ITGA1: variants seen among roughly 807,000 people sequenced by gnomAD.
The protein encoded by ITGA1 is integrin alpha-1.
A neutral mutation model predicts 145.9 loss-of-function variants in ITGA1; 85 were observed. The observed-to-expected ratio is 0.58, with a 90% CI of 0.49 to 0.70. The LOEUF (loss-of-function observed/expected upper bound fraction) is 0.70. ITGA1 is among the 30% of genes least tolerant of loss of function. ITGA1 has a pLI of 0.00. For missense variants in ITGA1, 1,351 were observed against 1,418.7 expected, an observed-to-expected ratio of 0.95 and a Z score of 0.77; for synonymous variants, 520 against 495.3, an observed-to-expected ratio of 1.05 and a Z score of -0.66.
chr5:52,834,774 TCCTATCAGATTAGGGC>T (rs1749138899), intron 1 of ITGA1, among the ~76,000 whole-genome samples: 1 of 151,972 alleles, frequency 6.6e-6, no homozygotes, highest in Non-Finnish European at 1.5e-5. Flanking sequence ...AGGACAATGG[TCCTATCAGATTAGGGC>T]CCCAGTGGTT....
At chr5:52,888,005 T>C (rs551238036) in intron 8 of ITGA1, 40 bp downstream of exon 8, 3 of 1,590,258 alleles carry the variant, frequency 1.9e-6, no homozygotes, top group South Asian at 1.1e-5. Context: ...CTCTTAGGTG[T>C]AGAGAAGAGC....
At chr5:52,857,501 G>A (rs906553182) in intron 2 of ITGA1, among the ~76,000 whole-genome samples, 3 of 150,260 alleles carry the variant, frequency 2.0e-5, no homozygotes, top group Admixed American at 2.0e-4. Flanking sequence ...TATTAACACT[G>A]CCCATCTCCC....
chr5:52,947,292 A>G, intron 27 of ITGA1, 53 bp from the exon 28 acceptor site: 1 of 1,034,068 alleles, frequency 9.7e-7, no homozygotes, highest in Non-Finnish European at 1.5e-6. Flanking sequence ...TCAATGTTCC[A>G]GGAGTTCTAA....
chr5:52,898,437 T>G, intron 11 of ITGA1, 54 bp downstream of exon 11: 1 of 1,415,248 alleles, frequency 7.1e-7, no homozygotes, highest in South Asian at 1.4e-5. Context: ...ATTTTTTACC[T>G]TTAGCATTAT....
Position 52,953,368 on chromosome 5 carries a change from T to G in ITGA1, c.*917T>G, listed in dbSNP as rs1484319933. ...TCTTTGCTGAGCAGCTTTTGAATGC[T>G]AAGGGTTCCAGTATGTGACCCAAAG... On this transcript the variant is annotated 3_prime_UTR_variant, in exon 29 of 29. Transcript: ENST00000282588. The G allele has an allele frequency of 1.3e-5, 2 of 152,328 alleles. No homozygotes were observed. The highest frequency in any genetic ancestry group is 3.9e-4 in the East Asian group (2 of 5,184). The allele number at this position is 152,328 out of a possible 1,614,324, so 9.4% of individuals were successfully genotyped here. A position where few individuals can be genotyped will look rare whatever the true frequency, so the allele number is the denominator to read the frequency against.
intron 23 of ITGA1, among the ~76,000 whole-genome samples, chr5:52,934,909 T>A (rs1451825693): frequency 6.6e-6 from 1 of 151,928 alleles, no homozygotes; most frequent in Non-Finnish European, 1.5e-5. Context: ...TTATGCTAAT[T>A]TCCCTGGAAA....
At chr5:52,933,686 C>T (rs1234529312) in intron 22 of ITGA1, 4 of 292,548 alleles carry the variant, frequency 1.4e-5, no homozygotes, top group Non-Finnish European at 2.5e-5. Flanking sequence ...GTCAAATAAG[C>T]ATCAGTGACT....
chr5:52,834,545 A>AG (rs1488437198), intron 1 of ITGA1, among the ~76,000 whole-genome samples: 4 of 132,100 alleles, frequency 3.0e-5, no homozygotes, highest in African/African-American at 8.1e-5. Flanking sequence ...AAAGAGAAAG[A>AG]AAGAGAAAGA....
rs180907891 is a variant in ITGA1 at position 52,929,984 on chromosome 5, T to C, written c.2771+283T>C. 2.6e-5 allele frequency among the ~76,000 whole-genome samples: 4 copies of C among 152,332 alleles called. No homozygotes were observed. In the East Asian group the frequency reaches 7.7e-4, roughly 29 times the overall value. On this transcript the variant is annotated intron_variant, in intron 21 of 28. Transcript: ENST00000282588. ...CACACATCATTTATATCTGCCAAAT[T>C]GCATTTAAATTCATAAAAAATTTAC...
intron 1 of ITGA1, among the ~76,000 whole-genome samples, chr5:52,831,258 G>A (rs1749065375): frequency 2.0e-5 from 3 of 151,810 alleles, no homozygotes; most frequent in Admixed American, 6.6e-5. Context: ...TCAGTCTCCC[G>A]AGTAGCTGGG....
intron 1 of ITGA1, among the ~76,000 whole-genome samples, chr5:52,807,567 T>A (rs7737764): frequency 0.51 from 76,754 of 151,398 alleles, 20,102 homozygotes; most frequent in African/African-American, 0.65. Context: ...TATCTAAAAA[T>A]AAAAATAAAT....
At chr5:52,793,636 T>C (rs1418774356) in intron 1 of ITGA1, among the ~76,000 whole-genome samples, 3 of 152,152 alleles carry the variant, frequency 2.0e-5, no homozygotes, top group Admixed American at 6.5e-5. Context: ...TTAAAAATTG[T>C]GTCATAAGAT....
intron 1 of ITGA1, among the ~76,000 whole-genome samples, chr5:52,832,779 G>GTGTGTC (rs1554042262): frequency 1.4e-4 from 18 of 132,268 alleles, no homozygotes; most frequent in East Asian, 6.4e-4. Flanking sequence ...GTGTGTGTGT[G>GTGTGTC]TGTGTGTGTG....
intron 1 of ITGA1, among the ~76,000 whole-genome samples, chr5:52,825,411 T>A (rs1463297702): frequency 6.6e-6 from 1 of 152,202 alleles, no homozygotes; most frequent in South Asian, 2.1e-4. Context: ...TGTGTCTCTA[T>A]GTCACATTTT....
chr5:52,950,961 G>A (rs987971420), intron 28 of ITGA1, among the ~76,000 whole-genome samples: 2 of 152,140 alleles, frequency 1.3e-5, no homozygotes, highest in Non-Finnish European at 2.9e-5. Context: ...AGCCTGAGAC[G>A]TGTAGGAGAG....
At chr5:52,927,000 G>C (rs771859773) in intron 19 of ITGA1, among the ~76,000 whole-genome samples, 5 of 152,096 alleles carry the variant, frequency 3.3e-5, no homozygotes, top group Non-Finnish European at 5.9e-5. Flanking sequence ...TTACGTGGCA[G>C]TGTTATTTTT....
chr5:52,836,475 CTT>C (rs1215291370), intron 1 of ITGA1, among the ~76,000 whole-genome samples: 1 of 152,086 alleles, frequency 6.6e-6, no homozygotes, highest in Admixed American at 6.6e-5. Context: ...AAATCTTTGT[CTT>C]TTTTTGGTCC....
Position 52,801,467 on chromosome 5 carries a change from T to G in ITGA1, c.61+13053T>G. The stretch of plus-strand genomic sequence containing the variant: ...AAAGAGGCCCTTTGTGACCCTACTG[T>G]GGCTAGCCGCCTTTCAGACACTAAA... On this transcript the variant is annotated intron_variant, in intron 1 of 28. Coordinates refer to ENST00000282588, the MANE Select transcript of ITGA1 (RefSeq NM_181501.2). The G allele has an allele frequency of 1.2e-6, 2 of 1,614,128 alleles. 1 individual carries two copies. The highest frequency in any genetic ancestry group is 2.2e-5 in the South Asian group (2 of 91,086).
Position 52,911,983 on chromosome 5 carries a change from A to ATATATAC in ITGA1, c.1857+1567_1857+1568insATACTAT, listed in dbSNP as rs1211845654. 9.0e-3 allele frequency among the ~76,000 whole-genome samples: 635 copies of ATATATAC among 70,948 alleles called. 55 individuals carry two copies. Among genetic ancestry groups the ATATATAC allele is most frequent in the South Asian group, 0.025 (54 of 2,174 alleles). 46.5% of individuals were successfully genotyped at this position (70,948 alleles called of 152,430 possible). A position where few individuals can be genotyped will look rare whatever the true frequency, so the allele number is the denominator to read the frequency against. Reference sequence around the variant, plus strand: ...ATATAGTGTATCTACTATATATACTATATGTATAGTGTGTATCTACTATAT... The same window carrying ATATATAC: ...ATATAGTGTATCTACTATATATACTATATATACTATGTATAGTGTGTATCTACTATAT... On this transcript the variant is annotated intron_variant, in intron 14 of 28. Transcript: ENST00000282588.
Sources: gnomAD v4.1 joint callset for allele counts (sites outside exome capture counted in the v4.1 genomes callset) on GRCh38, gnomAD v4.1.1 for gene constraint, MANE v1.5 for transcripts, NCBI Gene and HGNC (gene_info 2026-07-23, HGNC 2026-07-21) for gene names.